CREB5: variants seen among roughly 807,000 people sequenced by gnomAD.
CREB5 encodes the protein cyclic AMP-responsive element-binding protein 5.
In CREB5, 19 loss-of-function variants were observed where a neutral mutation model predicts 57.1. The ratio of observed to expected loss-of-function variants is 0.33; its 90% CI spans 0.23 to 0.49. The LOEUF (loss-of-function observed/expected upper bound fraction) is 0.49, where lower values mean the gene tolerates loss of function less well. CREB5 is among the 20% of genes least tolerant of loss of function. CREB5 has a pLI of 0.99. For synonymous variants in CREB5, 238 were observed against 238.3 expected, an observed-to-expected ratio of 1.00 and a Z score of 0.01; for missense variants, 579 against 671.6, an observed-to-expected ratio of 0.86 and a Z score of 1.52.
chr7:28,496,048 C>T (rs1353482882), intron 3 of CREB5, among the ~76,000 whole-genome samples: 2 of 150,496 alleles, frequency 1.3e-5, no homozygotes, highest in South Asian at 2.1e-4. Flanking sequence ...ACCTTGAGTA[C>T]TTATTGAACC....
At chr7:28,765,653 G>A (rs186540780) in intron 7 of CREB5, among the ~76,000 whole-genome samples, 1 of 152,312 alleles carries the variant, frequency 6.6e-6, no homozygotes, top group African/African-American at 2.4e-5. Flanking sequence ...AAAATATTTG[G>A]TAGAGATACG....
intron 5 of CREB5, among the ~76,000 whole-genome samples, chr7:28,629,082 A>G (rs1023560761): frequency 6.6e-6 from 1 of 152,198 alleles, no homozygotes; most frequent in Non-Finnish European, 1.5e-5. Context: ...TCTTGGACCA[A>G]ATGGTGCCTC....
intron 5 of CREB5, chr7:28,685,962 G>A: frequency 1.8e-6 from 1 of 569,132 alleles, no homozygotes; most frequent in Non-Finnish European, 3.1e-6. Flanking sequence ...GAAGGGGGAG[G>A]AGGGCGAGAC....
At chr7:28,325,296 C>T (rs1014102234) in intron 1 of CREB5, among the ~76,000 whole-genome samples, 3 of 151,940 alleles carry the variant, frequency 2.0e-5, no homozygotes, top group African/African-American at 7.3e-5. Context: ...TCTACTAAAA[C>T]TACAAAAAAT....
intron 4 of CREB5, among the ~76,000 whole-genome samples, chr7:28,543,624 G>A (rs563106585): frequency 7.4e-4 from 111 of 150,390 alleles, no homozygotes; most frequent in South Asian, 1.3e-3. Context: ...GATGACTCTG[G>A]TTGAAAAGAT....
intron 4 of CREB5, among the ~76,000 whole-genome samples, chr7:28,522,803 C>T (rs1793267011): frequency 6.6e-6 from 1 of 152,188 alleles, no homozygotes; most frequent in East Asian, 1.9e-4. Flanking sequence ...CGTGGCTGGC[C>T]CTGAAACCTA....
chr7:28,653,777 T>C (rs1041607814), intron 5 of CREB5, among the ~76,000 whole-genome samples: 3 of 152,220 alleles, frequency 2.0e-5, no homozygotes, highest in Admixed American at 6.5e-5. Context: ...GCATAAATTC[T>C]CTTATTGTGG....
chr7:28,367,488 A>G (rs1227891670), intron 1 of CREB5, among the ~76,000 whole-genome samples: 1 of 152,132 alleles, frequency 6.6e-6, no homozygotes, highest in Non-Finnish European at 1.5e-5. Context: ...ATCACTTCCT[A>G]CAGCAAGCTC....
intron 3 of CREB5, among the ~76,000 whole-genome samples, chr7:28,496,213 T>G (rs552259089): frequency 3.6e-4 from 55 of 152,328 alleles, no homozygotes; most frequent in African/African-American, 1.2e-3. Flanking sequence ...GTTATTCTTC[T>G]TAGGCTAGAA....
intron 1 of CREB5, among the ~76,000 whole-genome samples, chr7:28,361,205 T>C (rs1786471431): frequency 6.6e-6 from 1 of 152,212 alleles, no homozygotes; most frequent in Non-Finnish European, 1.5e-5. Flanking sequence ...AACTAACTCA[T>C]AGCTCAGTGC....
intron 7 of CREB5, among the ~76,000 whole-genome samples, chr7:28,787,403 T>C (rs759562342): frequency 6.6e-6 from 1 of 152,226 alleles, no homozygotes; most frequent in African/African-American, 2.4e-5. Context: ...TCAGGAGGCA[T>C]GGGTTCTAAT....
chr7:28,730,345 A>G (rs537130185), intron 7 of CREB5, among the ~76,000 whole-genome samples: 3 of 136,968 alleles, frequency 2.2e-5, no homozygotes, highest in Non-Finnish European at 3.1e-5. Context: ...GCGCCACCAC[A>G]CCCAGATAAT....
intron 5 of CREB5, among the ~76,000 whole-genome samples, chr7:28,690,909 G>A (rs985957910): frequency 6.6e-6 from 1 of 152,132 alleles, no homozygotes; most frequent in South Asian, 2.1e-4. Flanking sequence ...CCTAGAAACA[G>A]AGAAGTAAAA....
At chr7:28,800,417 G>A (rs944698152) in intron 7 of CREB5, among the ~76,000 whole-genome samples, 1 of 152,186 alleles carries the variant, frequency 6.6e-6, no homozygotes, top group Non-Finnish European at 1.5e-5. Context: ...GGGAAGGCAG[G>A]CCTACGCCCT....
intron 5 of CREB5, among the ~76,000 whole-genome samples, chr7:28,709,551 A>G (rs757458371): frequency 3.9e-5 from 6 of 152,172 alleles, no homozygotes; most frequent in Non-Finnish European, 8.8e-5. Context: ...TGAAAGCCCT[A>G]GTAAACATCT....
At chr7:28,409,828 G>C (rs1259413719), upstream of CREB5, 1 of 452,744 alleles carries the variant, frequency 2.2e-6, no homozygotes, top group Non-Finnish European at 4.4e-6. The surrounding 1 kb of genome is among the most constrained non-coding windows in gnomAD (Gnocchi z 4.4). Context: ...GTGCGTGCGT[G>C]TGTGGGAGCG....
At chr7:28,790,086 T>TAA (rs1357529539) in intron 7 of CREB5, among the ~76,000 whole-genome samples, 25 of 152,360 alleles carry the variant, frequency 1.6e-4, no homozygotes, top group Admixed American at 5.2e-4. Flanking sequence ...TTTTATTACT[T>TAA]ACGTTTAGGG....
intron 7 of CREB5, among the ~76,000 whole-genome samples, chr7:28,801,815 G>A (rs1393916124): frequency 5.3e-5 from 8 of 152,034 alleles, no homozygotes. Flanking sequence ...GGCCGGGTGT[G>A]GTGGCTCACG....
rs151182314 is a variant in CREB5, at chr7:28,640,782, T to G, written c.464+70245T>G. Reference sequence around the variant, plus strand: ...CTTCTTCAAACTGATGATTCCTACCTAGTTCCCCAGATCGAGACCCGCTTC... The same window carrying G: ...CTTCTTCAAACTGATGATTCCTACCGAGTTCCCCAGATCGAGACCCGCTTC... On this transcript the variant is annotated intron_variant, in intron 5 of 10. Coordinates refer to ENST00000357727, the MANE Select transcript of CREB5 (RefSeq NM_182898.4). Among the ~76,000 whole-genome samples, 142 of 152,260 alleles carry G rather than the reference T, an allele frequency of 9.3e-4. 2 individuals carry two copies. The East Asian group carries it at 0.019, about 21-fold the overall frequency.
Sources: gnomAD v4.1 joint callset for allele counts (sites outside exome capture counted in the v4.1 genomes callset) on GRCh38, gnomAD v4.1.1 for gene constraint, Gnocchi (gnomAD v3.1) non-coding constraint, MANE v1.5 for transcripts, NCBI Gene and HGNC (gene_info 2026-07-23, HGNC 2026-07-21) for gene names.